Variants in YTHDF2 observed in about 807,000 individuals in gnomAD.
YTHDF2 encodes the protein YTH N6-methyladenosine RNA binding protein F2.
YTHDF2 carries 2 observed loss-of-function variants against 50.4 expected under a neutral mutation model. The observed-to-expected ratio is 0.04, with a 90% confidence interval of 0.02 to 0.12. The LOEUF (loss-of-function observed/expected upper bound fraction) is 0.12, where lower values mean the gene tolerates loss of function less well. YTHDF2 is among the 10% of genes least tolerant of loss of function. The probability of loss-of-function intolerance (pLI) is 1.00; values close to 1 mark genes in which losing one functional copy is unlikely to be tolerated. For synonymous variants in YTHDF2, 217 were observed against 255.6 expected (o/e 0.85, Z 1.44); for missense variants, 483 against 722.6 (o/e 0.67, Z 3.80).
At chr1:28,754,550 G>C (rs1225906331) in intron 4 of YTHDF2, among the ~76,000 whole-genome samples, 6 of 150,638 alleles carry the variant, frequency 4.0e-5, no homozygotes, top group Admixed American at 1.3e-4. Flanking sequence ...TTGGCCGGGC[G>C]CGGTGGCTCA....
intron 4 of YTHDF2, among the ~76,000 whole-genome samples, chr1:28,759,408 T>A (rs928424640): frequency 4.0e-5 from 6 of 151,742 alleles, no homozygotes; most frequent in Non-Finnish European, 8.8e-5. Flanking sequence ...AGATATACAA[T>A]CATGCATCCC....
chr1:28,747,553 CTT>C (rs543795451), intron 4 of YTHDF2, among the ~76,000 whole-genome samples: 10 of 131,948 alleles, frequency 7.6e-5, no homozygotes, highest in Non-Finnish European at 9.8e-5. Flanking sequence ...TCCATAAAGA[CTT>C]TTTTTTTTTT....
In YTHDF2 at chr1:28,743,283, A is replaced by G; in HGVS notation, c.1013A>G (p.Gln338Arg). 6.2e-7 allele frequency: 1 copy of G among 1,614,140 alleles called. No individual in the cohort carries two copies. Among genetic ancestry groups the G allele is most frequent in the Non-Finnish European group, 8.5e-7 (1 of 1,180,032 alleles). ...CCTCCACCTCCACCACAGCCTGCCCAGCTTTCAGTCCAGCAACAGGCAGCT... is the reference window on the plus strand; with the variant it reads ...CCTCCACCTCCACCACAGCCTGCCCGGCTTTCAGTCCAGCAACAGGCAGCT... ...PLPPPPPQPA[Q>R]LSVQQQAAQP... The change falls in exon 4 of 5, where the codon CAG becomes CGG. Residue 338 changes from glutamine (Q) to arginine (R), a missense_variant. Physicochemically the swap from Gln to Arg is conservative, Grantham distance 43. Around this residue, in one of 4 missense-constraint regions of YTHDF2, gnomAD observed 385 missense variants for 475.8 expected, o/e 0.81. Transcript: ENST00000373812. This position sits in a 1 kb window ranked among gnomAD's most constrained non-coding sequence, Gnocchi z 6.9.
Position 28,737,273 on chromosome 1 carries a change from G to A in YTHDF2, c.27+126G>A. On this transcript the variant is annotated intron_variant, in intron 1 of 4. Coordinates refer to ENST00000373812, the MANE Select transcript of YTHDF2 (RefSeq NM_016258.3). ...CGTCGTCTCTTGCGGGCCAGGTTTC[G>A]GGCCTCTCAGGCCGGCCGCGCCCGG... 5.4e-6 allele frequency: 7 copies of A among 1,290,248 alleles called. No homozygotes were observed. The South Asian group carries it at 1.1e-4, about 20-fold the overall frequency. The allele number at this position is 1,290,248 out of a possible 1,614,324, so 79.9% of individuals were successfully genotyped here.
At chr1:28,758,128 G>T (rs1269322224) in intron 4 of YTHDF2, among the ~76,000 whole-genome samples, 1 of 151,986 alleles carries the variant, frequency 6.6e-6, no homozygotes, top group Non-Finnish European at 1.5e-5. Flanking sequence ...CTAACTGGCC[G>T]GGTGTGGTGG....
At chr1:28,755,332 CAA>C (rs2088021252) in intron 4 of YTHDF2, among the ~76,000 whole-genome samples, 1 of 152,102 alleles carries the variant, frequency 6.6e-6, no homozygotes, top group Non-Finnish European at 1.5e-5. Flanking sequence ...TTTGACTTTT[CAA>C]AGATTCTTGT....
At chr1:28,742,113 G>A (rs2087785690) in intron 3 of YTHDF2, among the ~76,000 whole-genome samples, 1 of 150,478 alleles carries the variant, frequency 6.6e-6, no homozygotes, top group South Asian at 2.1e-4. Flanking sequence ...GCAGTGGTGC[G>A]ATCTAAGCTC....
intron 4 of YTHDF2, among the ~76,000 whole-genome samples, chr1:28,745,160 G>GCATT (rs1241650331): frequency 6.6e-6 from 1 of 152,140 alleles, no homozygotes; most frequent in Non-Finnish European, 1.5e-5. Flanking sequence ...AGGATCTGAG[G>GCATT]CATTGTTAGG....
At chr1:28,737,549 C>T (rs928091553) in intron 1 of YTHDF2, 109 bp from the exon 2 acceptor site, 53 of 1,483,794 alleles carry the variant, frequency 3.6e-5, no homozygotes, top group Non-Finnish European at 4.3e-5. Flanking sequence ...GACGCCTCCC[C>T]TCGGGCCTGC....
chr1:28,753,688 G>C (rs1024894705), intron 4 of YTHDF2, among the ~76,000 whole-genome samples: 1 of 150,700 alleles, frequency 6.6e-6, no homozygotes, highest in South Asian at 2.1e-4. Context: ...TATATGAAGA[G>C]TTTCAGGATT....
At chr1:28,753,640 A>G (rs1046731398) in intron 4 of YTHDF2, among the ~76,000 whole-genome samples, 3 of 151,870 alleles carry the variant, frequency 2.0e-5, no homozygotes, top group African/African-American at 7.3e-5. Flanking sequence ...GTGGTCTAGA[A>G]TGGTAAGTGA....
At chr1:28,761,099 G>A (rs1015589251) in intron 4 of YTHDF2, among the ~76,000 whole-genome samples, 3 of 142,708 alleles carry the variant, frequency 2.1e-5, no homozygotes, top group Admixed American at 1.4e-4. Flanking sequence ...TCATTATATC[G>A]TGCATGAGTG....
intron 4 of YTHDF2, among the ~76,000 whole-genome samples, chr1:28,755,292 A>C (rs1226300877): frequency 6.6e-6 from 1 of 152,134 alleles, no homozygotes; most frequent in African/African-American, 2.4e-5. Context: ...TGAATTTTCA[A>C]CCCTCAGGAT....
intron 2 of YTHDF2, 87 bp from the exon 3 acceptor site, chr1:28,738,172 G>T: frequency 9.6e-7 from 1 of 1,041,830 alleles, no homozygotes; most frequent in South Asian, 1.4e-5. Context: ...TAACTAGTAA[G>T]GTTTTTCTCT....
chr1:28,751,758 T>C (rs140567608), intron 4 of YTHDF2, among the ~76,000 whole-genome samples: 216 of 152,326 alleles, frequency 1.4e-3, no homozygotes, highest in African/African-American at 4.9e-3. Flanking sequence ...CAGAGGGTTT[T>C]AGGAGGACAG....
At position 28,743,614 on chromosome 1, in the gene YTHDF2, C is replaced by T. The variant is rs780396131; in HGVS notation, c.1344C>T (p.Ser448=). 11 of 1,614,094 alleles carry T rather than the reference C, an allele frequency of 6.8e-6. No homozygotes were observed. Among genetic ancestry groups the T allele is most frequent in the Middle Eastern group, 1.6e-4 (1 of 6,062 alleles). Residue 448 remains serine, a synonymous_variant, in exon 4 of 5, where the codon TCC becomes TCT. Coordinates refer to ENST00000373812, the MANE Select transcript of YTHDF2 (RefSeq NM_016258.3). The surrounding 1 kb of genome is among the most constrained non-coding windows in gnomAD (Gnocchi z 6.9). ...GNKRLDAAYR[S]MNGKGPVYLL... is the part of the protein sequence containing the mutation. ...AGAGACTGGATGCTGCTTATCGTTC[C>T]ATGAACGGGAAAGGCCCCGTTTACT...
At chr1:28,745,523 C>G (rs2087844348) in intron 4 of YTHDF2, among the ~76,000 whole-genome samples, 1 of 151,952 alleles carries the variant, frequency 6.6e-6, no homozygotes, top group Non-Finnish European at 1.5e-5. Context: ...CACCTGAGGT[C>G]AGGACCAGCT....
intron 4 of YTHDF2, among the ~76,000 whole-genome samples, chr1:28,744,480 A>G (rs1049585786): frequency 2.0e-5 from 3 of 152,196 alleles, no homozygotes; most frequent in South Asian, 2.1e-4. Flanking sequence ...TTGGCGGTGT[A>G]AAAGAGTCAC....
intron 4 of YTHDF2, among the ~76,000 whole-genome samples, chr1:28,753,965 C>A (rs1264516272): frequency 6.6e-6 from 1 of 152,042 alleles, no homozygotes; most frequent in East Asian, 1.9e-4. Flanking sequence ...CCTTGGCCTC[C>A]CAAAGTGCTG....
Sources: allele counts gnomAD v4.1 joint callset (sites outside exome capture counted in the v4.1 genomes callset), GRCh38; gene constraint gnomAD v4.1.1; regional missense constraint gnomAD v4.1.1; non-coding constraint Gnocchi (gnomAD v3.1); transcripts MANE v1.5; gene names NCBI Gene and HGNC (gene_info 2026-07-23, HGNC 2026-07-21).